The following TMEM132D variants were observed in gnomAD, a reference collection of about 807,000 sequenced individuals.
The protein encoded by TMEM132D is mature OL transmembrane protein.
In TMEM132D, 21 loss-of-function variants were observed where a neutral mutation model predicts 62.3. That is an observed-to-expected ratio of 0.34 (90% confidence interval 0.24 to 0.49). The LOEUF (loss-of-function observed/expected upper bound fraction) is 0.49. Ranked by LOEUF, TMEM132D falls within the 20% of genes least tolerant of loss-of-function variation. The pLI is 0.99. For missense variants in TMEM132D, 1,346 were observed against 1,402.8 expected, an observed-to-expected ratio of 0.96 and a Z score of 0.65; for synonymous variants, 621 against 575.6, an observed-to-expected ratio of 1.08 and a Z score of -1.13.
chr12:129,643,977 C>T (rs561424807), intron 2 of TMEM132D, among the ~76,000 whole-genome samples: 2 of 152,132 alleles, frequency 1.3e-5, no homozygotes, highest in African/African-American at 4.8e-5. Context: ...ACCTCAGCCT[C>T]CCAAGTAGCT....
intron 3 of TMEM132D, among the ~76,000 whole-genome samples, chr12:129,458,181 A>G (rs1873541894): frequency 6.6e-6 from 1 of 152,056 alleles, no homozygotes; most frequent in Admixed American, 6.6e-5. Context: ...TAGTCCCTCC[A>G]CTAAATTTTC....
intron 5 of TMEM132D, among the ~76,000 whole-genome samples, chr12:129,141,903 C>A (rs958381839): frequency 3.4e-4 from 52 of 151,100 alleles, no homozygotes; most frequent in Non-Finnish European, 7.4e-4. Flanking sequence ...TGCACATGTA[C>A]CCCCGGAATC....
At chr12:129,551,958 T>C (rs1876909812) in intron 2 of TMEM132D, among the ~76,000 whole-genome samples, 1 of 152,210 alleles carries the variant, frequency 6.6e-6, no homozygotes, top group Admixed American at 6.5e-5. Context: ...GTAGCATATA[T>C]GGGCAGAAAT....
intron 1 of TMEM132D, among the ~76,000 whole-genome samples, chr12:129,765,613 T>C (rs1165084849): frequency 6.6e-6 from 1 of 152,052 alleles, no homozygotes; most frequent in Non-Finnish European, 1.5e-5. Flanking sequence ...ATTCAAATTC[T>C]GTTCTGTCCA....
chr12:129,791,962 G>GC (rs957075561), intron 1 of TMEM132D, among the ~76,000 whole-genome samples: 14 of 152,138 alleles, frequency 9.2e-5, no homozygotes, highest in African/African-American at 4.8e-5. Flanking sequence ...AGCTGATGCT[G>GC]CCCCCGACAG....
At chr12:129,259,081 T>C (rs77515495) in intron 4 of TMEM132D, among the ~76,000 whole-genome samples, 3,823 of 152,260 alleles carry the variant, frequency 0.025, 157 homozygotes, top group African/African-American at 0.087. Flanking sequence ...TTGTAGACAC[T>C]CCAGGGCCTC....
chr12:129,697,288 A>G (rs1339243561), intron 2 of TMEM132D, among the ~76,000 whole-genome samples: 1 of 152,218 alleles, frequency 6.6e-6, no homozygotes, highest in Non-Finnish European at 1.5e-5. Context: ...ACGCACACCA[A>G]TTCTAAATAT....
intron 3 of TMEM132D, among the ~76,000 whole-genome samples, chr12:129,376,884 A>G (rs1383691327): frequency 2.0e-5 from 3 of 152,198 alleles, no homozygotes; most frequent in Non-Finnish European, 2.9e-5. Flanking sequence ...ATATACAACT[A>G]GGGGCTTTCC....
intron 4 of TMEM132D, among the ~76,000 whole-genome samples, chr12:129,241,927 G>T (rs36074016): frequency 0.26 from 39,988 of 152,086 alleles, 5,410 homozygotes; most frequent in African/African-American, 0.31. Context: ...GAGACAAAAT[G>T]TATTTAAACA....
intron 5 of TMEM132D, among the ~76,000 whole-genome samples, chr12:129,092,744 G>A (rs1874971391): frequency 6.6e-6 from 1 of 152,094 alleles, no homozygotes. Flanking sequence ...AATAGTAGTG[G>A]CTAATATTCA....
chr12:129,491,727 A>G (rs1874802446), intron 3 of TMEM132D, among the ~76,000 whole-genome samples: 2 of 152,202 alleles, frequency 1.3e-5, no homozygotes, highest in African/African-American at 4.8e-5. Flanking sequence ...AGATCACTTG[A>G]GGCCAGGAGT....
chr12:129,421,209 T>C (rs2135711149), intron 3 of TMEM132D, among the ~76,000 whole-genome samples: 1 of 152,292 alleles, frequency 6.6e-6, no homozygotes, highest in East Asian at 1.9e-4. Flanking sequence ...ATGATCCGCC[T>C]GCCTCAGCCT....
chr12:129,632,584 G>A (rs997377690), intron 2 of TMEM132D, among the ~76,000 whole-genome samples: 2 of 152,140 alleles, frequency 1.3e-5, no homozygotes, highest in African/African-American at 4.8e-5. Flanking sequence ...GTGGGCCACT[G>A]GCCTGCAGAC....
At chr12:129,722,324 T>C (rs1868864425) in intron 1 of TMEM132D, among the ~76,000 whole-genome samples, 2 of 120,528 alleles carry the variant, frequency 1.7e-5, no homozygotes, top group Non-Finnish European at 3.6e-5. Flanking sequence ...CAAGTCGAAA[T>C]GCCGACTGCC....
chr12:129,114,326 ACCC>A (rs1875818313), intron 5 of TMEM132D, among the ~76,000 whole-genome samples: 1 of 151,788 alleles, frequency 6.6e-6, no homozygotes, highest in African/African-American at 2.4e-5. Flanking sequence ...TGCACAGGAC[ACCC>A]CCACCACAAA....
chr12:129,739,263 C>T (rs1869524195), intron 1 of TMEM132D, among the ~76,000 whole-genome samples: 1 of 152,186 alleles, frequency 6.6e-6, no homozygotes, highest in African/African-American at 2.4e-5. Flanking sequence ...CTTCAACACA[C>T]ATCCAACTTC....
chr12:129,239,871 A>G (rs75553053), intron 4 of TMEM132D, among the ~76,000 whole-genome samples: 8,363 of 152,262 alleles, frequency 0.055, 437 homozygotes, highest in East Asian at 0.21. Context: ...GAAATTTCTA[A>G]TGGCAGCCCT....
intron 1 of TMEM132D, among the ~76,000 whole-genome samples, chr12:129,704,013 T>C (rs929073088): frequency 6.6e-6 from 1 of 151,618 alleles, no homozygotes; most frequent in Non-Finnish European, 1.5e-5. Context: ...CACAAGGGAC[T>C]CAAATACCTC....
chr12:129,300,737 T>C (rs942609125), intron 4 of TMEM132D, among the ~76,000 whole-genome samples: 1 of 152,190 alleles, frequency 6.6e-6, no homozygotes, highest in South Asian at 2.1e-4. Context: ...CTTTAAAACA[T>C]AAACACTTTG....
Sources: allele counts gnomAD v4.1 joint callset (sites outside exome capture counted in the v4.1 genomes callset), GRCh38; gene constraint gnomAD v4.1.1; transcripts MANE v1.5; gene names NCBI Gene and HGNC (gene_info 2026-07-23, HGNC 2026-07-21).